The following SLC25A24 variants were observed in gnomAD, a reference collection of about 807,000 sequenced individuals.
SLC25A24 encodes the protein solute carrier family 25 member 24.
SLC25A24 carries 49 observed loss-of-function variants against 60.7 expected under a neutral mutation model. That is an observed-to-expected ratio of 0.81 (90% CI 0.64 to 1.02). The LOEUF (loss-of-function observed/expected upper bound fraction) is 1.02, where lower values mean the gene tolerates loss of function less well. Ranked by LOEUF, SLC25A24 falls within the 50% of genes least tolerant of loss-of-function variation. The pLI is 0.00. For missense variants in SLC25A24, 564 were observed against 586.3 expected, an observed-to-expected ratio of 0.96 and a Z score of 0.39; for synonymous variants, 202 against 200.6, an observed-to-expected ratio of 1.01 and a Z score of -0.06.
chr1:108,171,473 G>T (rs1170846713), intron 3 of SLC25A24, among the ~76,000 whole-genome samples: 1 of 152,164 alleles, frequency 6.6e-6, no homozygotes, highest in African/African-American at 2.4e-5. Context: ...GCCCACTATG[G>T]TCTAGAGAGT....
At chr1:108,184,538 AGTTT>A (rs1026770209) in intron 2 of SLC25A24, among the ~76,000 whole-genome samples, 3 of 152,228 alleles carry the variant, frequency 2.0e-5, no homozygotes, top group Non-Finnish European at 2.9e-5. Flanking sequence ...TCTAGAGTTT[AGTTT>A]GTTTGTTTGA....
rs192212619 is a variant in SLC25A24 at position 108,143,099 on chromosome 1, T to C, written c.1098+444A>G. ...ATCCAGTGTCTAACCTAGTGGTTTG[T>C]ATAGTGTGTGCTCAATAATTGTTTG... On this transcript the variant is annotated intron_variant, in intron 8 of 9. Coordinates refer to ENST00000565488, the MANE Select transcript of SLC25A24 (RefSeq NM_013386.5). Among the ~76,000 whole-genome samples the C allele has an allele frequency of 5.0e-4, 76 of 152,320 alleles. No homozygotes were observed. The East Asian group carries it at 0.014, about 28-fold the overall frequency.
At chr1:108,180,639 T>C (rs200197561) in intron 3 of SLC25A24, among the ~76,000 whole-genome samples, 2 of 145,224 alleles carry the variant, frequency 1.4e-5, no homozygotes, top group African/African-American at 2.6e-5. Flanking sequence ...TCTCTCTCTC[T>C]CTCTCTCTCT....
At chr1:108,190,314 A>C (rs949602624) in intron 1 of SLC25A24, among the ~76,000 whole-genome samples, 1 of 152,170 alleles carries the variant, frequency 6.6e-6, no homozygotes, top group African/African-American at 2.4e-5. Context: ...GGTTCGTCCT[A>C]AGTTGGAAGT....
rs781092686 is a variant in SLC25A24, at chr1:108,148,361, CCTT to C, written c.845_847del (p.Glu282del). 88 of 1,610,932 alleles carry C rather than the reference CCTT, an allele frequency of 5.5e-5. No homozygotes were observed. In the Admixed American group the frequency reaches 1.3e-3, roughly 24 times the overall value. On this transcript the variant is annotated inframe_deletion, in exon 7 of 10. Coordinates refer to ENST00000565488, the MANE Select transcript of SLC25A24 (RefSeq NM_013386.5). ...TCTCTCAAATGTTCCTATTTTTTGT[CCTT>C]CTTCAGTAAGTAACTTCTTGTACTG...
At chr1:108,139,312 A>C in intron 8 of SLC25A24, 104 bp from the exon 9 acceptor site, 1 of 1,213,938 alleles carries the variant, frequency 8.2e-7, no homozygotes, top group Non-Finnish European at 1.1e-6. Context: ...TTTCTGCAGG[A>C]TGAGGCCACG....
In SLC25A24 at chr1:108,200,242, C is replaced by G; in HGVS notation, c.-104G>C. The G allele has an allele frequency of 3.4e-6, 4 of 1,176,480 alleles. No individual in the cohort carries two copies. The highest frequency in any genetic ancestry group is 4.4e-6 in the Non-Finnish European group (4 of 903,788). 72.9% of individuals were successfully genotyped at this position (1,176,480 alleles called of 1,614,324 possible). ...AGGCCGGGCTGGGCGGGGCGCGCGG[C>G]GCAACAGCGTTTGGGGCGCCGTCGG... On this transcript the variant is annotated 5_prime_UTR_variant, in exon 1 of 10. Coordinates refer to ENST00000565488, the MANE Select transcript of SLC25A24 (RefSeq NM_013386.5).
chr1:108,199,229 C>G (rs930712042), intron 1 of SLC25A24: 3 of 152,186 alleles, frequency 2.0e-5, no homozygotes, highest in Admixed American at 2.0e-4. Flanking sequence ...ATCACTTTCC[C>G]TCTTTGGATA....
chr1:108,186,457 T>C (rs186320632), intron 1 of SLC25A24, among the ~76,000 whole-genome samples: 63 of 152,192 alleles, frequency 4.1e-4, no homozygotes, highest in Middle Eastern at 3.4e-3. Flanking sequence ...ACTTGGAGGC[T>C]GAGGTAGGAG....
rs571027005 is a variant in SLC25A24, at chr1:108,163,282, T to C, written c.399-1989A>G. Among the ~76,000 whole-genome samples the C allele has an allele frequency of 1.3e-4, 15 of 116,398 alleles. 1 individual carries two copies. Among genetic ancestry groups the C allele is most frequent in the African/African-American group, 5.7e-4 (15 of 26,314 alleles). The allele number at this position is 116,398 out of a possible 152,430, so 76.4% of individuals were successfully genotyped here. On this transcript the variant is annotated intron_variant, in intron 3 of 9. Transcript: ENST00000565488. ...AGGATTGACTTGGCAATGCGGGCTCTTTTTTGGTTCCATATGAACTTTAAA... is the reference window on the plus strand; with the variant it reads ...AGGATTGACTTGGCAATGCGGGCTCCTTTTTGGTTCCATATGAACTTTAAA...
chr1:108,138,137 T>C (rs1371222125), intron 9 of SLC25A24, among the ~76,000 whole-genome samples: 1 of 152,124 alleles, frequency 6.6e-6, no homozygotes, highest in Non-Finnish European at 1.5e-5. Context: ...AAAAGAGGAG[T>C]TGGTTTAACC....
In SLC25A24 at chr1:108,178,163, A is replaced by C. The variant is rs181414382; in HGVS notation, c.398+3778T>G. 8.7e-5 allele frequency among the ~76,000 whole-genome samples: 13 copies of C among 150,144 alleles called. 1 individual carries two copies. The East Asian group carries it at 1.2e-3, about 14-fold the overall frequency. ...GTGACAGAGTGAGACTCCGTCTCAA[A>C]AACAACAACAACAACAACAACAACA... is the stretch of plus-strand genomic sequence containing the variant. On this transcript the variant is annotated intron_variant, in intron 3 of 9. Coordinates refer to ENST00000565488, the MANE Select transcript of SLC25A24 (RefSeq NM_013386.5).
intron 7 of SLC25A24, among the ~76,000 whole-genome samples, chr1:108,147,147 G>A (rs555311307): frequency 5.3e-5 from 8 of 152,248 alleles, no homozygotes; most frequent in African/African-American, 1.2e-4. Flanking sequence ...TCTTGGGAGC[G>A]TGTATGTGTC....
At chr1:108,171,609 C>A (rs960640644) in intron 3 of SLC25A24, among the ~76,000 whole-genome samples, 1 of 152,140 alleles carries the variant, frequency 6.6e-6, no homozygotes, top group South Asian at 2.1e-4. Context: ...TTAACATATT[C>A]TTCAATATTT....
intron 4 of SLC25A24, among the ~76,000 whole-genome samples, chr1:108,158,500 CA>C (rs1321674350): frequency 6.6e-6 from 1 of 152,094 alleles, no homozygotes; most frequent in Non-Finnish European, 1.5e-5. Flanking sequence ...TAAAACTTCA[CA>C]TAGTGTACAA....
chr1:108,136,414 T>C lies in SLC25A24; in HGVS notation c.*239A>G, dbSNP rs1440020989. 2 of 371,972 alleles carry C rather than the reference T, an allele frequency of 5.4e-6. No homozygotes were observed. The highest frequency in any genetic ancestry group is 9.6e-6 in the Non-Finnish European group (2 of 209,142). 23.0% of individuals were successfully genotyped at this position (371,972 alleles called of 1,614,324 possible). On this transcript the variant is annotated 3_prime_UTR_variant, in exon 10 of 10. Coordinates refer to ENST00000565488, the MANE Select transcript of SLC25A24 (RefSeq NM_013386.5). ...TCAGGGCAGAGATTTGCAGGATTATTAAGAAAAGATAAAGTATAATTGTGT... is the reference window on the plus strand; with the variant it reads ...TCAGGGCAGAGATTTGCAGGATTATCAAGAAAAGATAAAGTATAATTGTGT...
chr1:108,136,792 C>T lies in SLC25A24; in HGVS notation c.1295G>A (p.Arg432Gln), dbSNP rs144420834. 5.2e-5 allele frequency: 84 copies of T among 1,613,808 alleles called. No individual in the cohort carries two copies. Among genetic ancestry groups the T allele is most frequent in the Non-Finnish European group, 6.9e-5 (81 of 1,179,982 alleles). Reference sequence around the variant, plus strand: ...TATTCCTTCTTTGGAAATAATTCGTCGAAAGAGGCCAACCATATTCAGCTG... The same window carrying T: ...TATTCCTTCTTTGGAAATAATTCGTTGAAAGAGGCCAACCATATTCAGCTG... ...SPQLNMVGLF[R>Q]RIISKEGIPG... The change falls in exon 10 of 10, where the codon CGA (arginine) becomes CAA (glutamine). Residue 432 changes from arginine (R) to glutamine (Q), a missense_variant. Arg to Gln is a conservative substitution (Grantham distance 43). Coordinates refer to ENST00000565488, the MANE Select transcript of SLC25A24 (RefSeq NM_013386.5).
At chr1:108,139,400 A>C (rs12071569) in intron 8 of SLC25A24, among the ~76,000 whole-genome samples, 192 bp from the exon 9 acceptor site, 2 of 152,176 alleles carry the variant, frequency 1.3e-5, no homozygotes, top group African/African-American at 2.4e-5. Flanking sequence ...TGCGGAACAC[A>C]TGAGGTTTGC....
chr1:108,195,131 G>C (rs1016753001), intron 1 of SLC25A24, among the ~76,000 whole-genome samples: 1 of 152,254 alleles, frequency 6.6e-6, no homozygotes, highest in East Asian at 1.9e-4. Flanking sequence ...ACTCAGCAGG[G>C]TCAAAAGAAG....
Sources: allele counts gnomAD v4.1 joint callset (sites outside exome capture counted in the v4.1 genomes callset), GRCh38; gene constraint gnomAD v4.1.1; transcripts MANE v1.5; gene names NCBI Gene and HGNC (gene_info 2026-07-23, HGNC 2026-07-21).